MAML3: variants seen among roughly 807,000 people sequenced by gnomAD.
MAML3 encodes the protein mastermind-like protein 3.
MAML3 carries 27 observed loss-of-function variants against 101.9 expected under a neutral mutation model. The observed-to-expected ratio is 0.27, with a 90% CI of 0.20 to 0.37. The LOEUF is 0.37. MAML3 is among the 10% of genes least tolerant of loss of function. The probability of loss-of-function intolerance (pLI) is 1.00; values close to 1 mark genes in which losing one functional copy is unlikely to be tolerated. For synonymous variants in MAML3, 501 were observed against 555.9 expected, an observed-to-expected ratio of 0.90 and a Z score of 1.39; for missense variants, 1,316 against 1,444.9, an observed-to-expected ratio of 0.91 and a Z score of 1.45.
chr4:140,088,289 T>G lies in MAML3; in HGVS notation c.468+64571A>C, dbSNP rs75807505. Among the ~76,000 whole-genome samples, 1,175 of 152,096 alleles carry G rather than the reference T, an allele frequency of 7.7e-3. 10 individuals carry two copies. The highest frequency in any genetic ancestry group is 8.7e-3 in the Non-Finnish European group (592 of 67,946). On this transcript the variant is annotated intron_variant, in intron 1 of 4. Coordinates refer to ENST00000509479, the MANE Select transcript of MAML3 (RefSeq NM_018717.5). The stretch of plus-strand genomic sequence containing the variant: ...AGAAAGGAAGGGAGGAAGGAAAATT[T>G]ACCTGGTCTAAGAGGGAGAACCCTT...
At chr4:140,141,094 G>A (rs932520723) in intron 1 of MAML3, among the ~76,000 whole-genome samples, 2 of 152,156 alleles carry the variant, frequency 1.3e-5, no homozygotes, top group Non-Finnish European at 2.9e-5. Context: ...AAATATAGTA[G>A]CCAAGAGCAC....
intron 1 of MAML3, among the ~76,000 whole-genome samples, chr4:139,918,777 T>C (rs1451865124): frequency 6.6e-6 from 1 of 152,090 alleles, no homozygotes; most frequent in African/African-American, 2.4e-5. Context: ...TACATGAACA[T>C]TTCTGTCCGG....
In MAML3 at chr4:140,036,087, A is replaced by G. The variant is rs759144604; in HGVS notation, c.468+116773T>C. 3.9e-4 allele frequency among the ~76,000 whole-genome samples: 60 copies of G among 152,242 alleles called. 1 individual carries two copies. The highest frequency in any genetic ancestry group is 7.3e-4 in the Non-Finnish European group (50 of 68,042). On this transcript the variant is annotated intron_variant, in intron 1 of 4. Coordinates refer to ENST00000509479, the MANE Select transcript of MAML3 (RefSeq NM_018717.5). ...TTTCTAAATGACTGGCCACTGTTAC[A>G]GCCTTATTCTGTTGTCAACAGTACT...
chr4:139,860,219 T>G (rs1180799047), intron 2 of MAML3, among the ~76,000 whole-genome samples: 1 of 152,082 alleles, frequency 6.6e-6, no homozygotes, highest in Non-Finnish European at 1.5e-5. Context: ...ATGCGGATCC[T>G]GCGTTCACCA....
At chr4:139,932,912 T>C (rs1297368557) in intron 1 of MAML3, among the ~76,000 whole-genome samples, 1 of 152,228 alleles carries the variant, frequency 6.6e-6, no homozygotes, top group Non-Finnish European at 1.5e-5. Flanking sequence ...CCGTGGTCTC[T>C]GTATGACACA....
chr4:139,810,078 T>G (rs1730769485), intron 2 of MAML3, among the ~76,000 whole-genome samples: 1 of 152,020 alleles, frequency 6.6e-6, no homozygotes, highest in Non-Finnish European at 1.5e-5. Context: ...TAGTCTTATA[T>G]TCAGACATTC....
chr4:139,979,668 G>A (rs1382892604), intron 1 of MAML3, among the ~76,000 whole-genome samples: 1 of 152,180 alleles, frequency 6.6e-6, no homozygotes, highest in Admixed American at 6.5e-5. Flanking sequence ...TGTTCAGTTA[G>A]CTTGATCTTC....
At chr4:139,832,276 T>TTTTTTA (rs1273030451) in intron 2 of MAML3, among the ~76,000 whole-genome samples, 1 of 145,106 alleles carries the variant, frequency 6.9e-6, no homozygotes, top group Non-Finnish European at 1.5e-5. Context: ...AGCTATTTTT[T>TTTTTTA]TTTTTATTTT....
intron 2 of MAML3, among the ~76,000 whole-genome samples, chr4:139,789,910 T>C (rs1730374587): frequency 6.6e-6 from 1 of 152,004 alleles, no homozygotes; most frequent in African/African-American, 2.4e-5. Context: ...CTGAGAAGCT[T>C]GTGAACTTGT....
chr4:139,875,228 C>T (rs888026074), intron 2 of MAML3, among the ~76,000 whole-genome samples: 3 of 141,362 alleles, frequency 2.1e-5, no homozygotes, highest in Non-Finnish European at 3.1e-5. Flanking sequence ...AGAGCTGACT[C>T]CCGACCTCTA....
At chr4:139,917,427 A>G (rs779661414) in intron 1 of MAML3, among the ~76,000 whole-genome samples, 19 of 152,166 alleles carry the variant, frequency 1.2e-4, no homozygotes, top group Non-Finnish European at 2.2e-4. Context: ...AGAGGGTAGT[A>G]CCAGGGGAAA....
At chr4:139,775,236 C>T (rs531449861) in intron 2 of MAML3, among the ~76,000 whole-genome samples, 1 of 151,008 alleles carries the variant, frequency 6.6e-6, no homozygotes, top group East Asian at 1.9e-4. Flanking sequence ...CAGTTACTCA[C>T]ACAATAAACA....
intron 1 of MAML3, among the ~76,000 whole-genome samples, chr4:139,899,155 A>G (rs1266228349): frequency 6.6e-6 from 1 of 152,166 alleles, no homozygotes; most frequent in Non-Finnish European, 1.5e-5. Flanking sequence ...TCTGATCTAG[A>G]TTAATAATTC....
At chr4:139,788,296 C>T (rs535697670) in intron 2 of MAML3, among the ~76,000 whole-genome samples, 11 of 152,136 alleles carry the variant, frequency 7.2e-5, no homozygotes, top group South Asian at 2.1e-4. Flanking sequence ...TGGAGCCTTC[C>T]GCACTCCCTC....
At chr4:140,053,639 G>T (rs1727305731) in intron 1 of MAML3, among the ~76,000 whole-genome samples, 1 of 152,122 alleles carries the variant, frequency 6.6e-6, no homozygotes, top group South Asian at 2.1e-4. Context: ...TATATCAGGG[G>T]CCAGCAAATC....
At chr4:139,855,760 C>T (rs1731650094) in intron 2 of MAML3, among the ~76,000 whole-genome samples, 1 of 152,178 alleles carries the variant, frequency 6.6e-6, no homozygotes, top group Non-Finnish European at 1.5e-5. Context: ...GTGGAGACTA[C>T]ATTACAAACC....
chr4:140,043,183 T>C lies in MAML3; in HGVS notation c.468+109677A>G, dbSNP rs1422223444. On this transcript the variant is annotated intron_variant, in intron 1 of 4. Coordinates refer to ENST00000509479, the MANE Select transcript of MAML3 (RefSeq NM_018717.5). ...AATGTATCTCTCCCTTTCCCTCTGC[T>C]TCTCACCCCTCTTCTCTCTTTATTT... Among the ~76,000 whole-genome samples, 5 of 152,148 alleles carry C rather than the reference T, an allele frequency of 3.3e-5. No individual in the cohort carries two copies. The South Asian group carries it at 1.0e-3, about 31-fold the overall frequency.
intron 1 of MAML3, among the ~76,000 whole-genome samples, chr4:140,033,256 T>C (rs896913292): frequency 1.3e-5 from 2 of 152,142 alleles, no homozygotes; most frequent in Non-Finnish European, 2.9e-5. Flanking sequence ...CCTGTGGCAA[T>C]GACATAAACA....
intron 2 of MAML3, among the ~76,000 whole-genome samples, chr4:139,859,882 G>T (rs2667367): frequency 0.51 from 77,975 of 152,082 alleles, 21,707 homozygotes; most frequent in African/African-American, 0.72. Context: ...AACGTGTAAA[G>T]ATTTTTTTTA....
Sources: allele counts gnomAD v4.1 joint callset (sites outside exome capture counted in the v4.1 genomes callset), GRCh38; gene constraint gnomAD v4.1.1; transcripts MANE v1.5; gene names NCBI Gene and HGNC (gene_info 2026-07-23, HGNC 2026-07-21).